URB2: variants seen among roughly 807,000 people sequenced by gnomAD.
URB2 encodes unhealthy ribosome biogenesis protein 2 homolog.
URB2 carries 86 observed loss-of-function variants against 120.9 expected under a neutral mutation model. The ratio of observed to expected loss-of-function variants is 0.71; its 90% CI spans 0.60 to 0.85. The LOEUF is 0.85. URB2 is among the 40% of genes least tolerant of loss of function. URB2 has a pLI of 0.00. For synonymous variants in URB2, 755 were observed against 758.4 expected, an observed-to-expected ratio of 1.00 and a Z score of 0.07; for missense variants, 1,765 against 1,836.5, an observed-to-expected ratio of 0.96 and a Z score of 0.71.
At chr1:229,644,102 C>G (rs369617541) in intron 5 of URB2, among the ~76,000 whole-genome samples, 2 of 152,242 alleles carry the variant, frequency 1.3e-5, no homozygotes, top group Admixed American at 6.5e-5. Flanking sequence ...TAGCCTACCC[C>G]CTTCAGTTCT....
intron 8 of URB2, 68 bp downstream of exon 8, chr1:229,651,390 A>C: frequency 7.5e-7 from 1 of 1,339,926 alleles, no homozygotes; most frequent in Non-Finnish European, 1.0e-6. Context: ...CTGGCCACAT[A>C]TGTTACTGAA....
At chr1:229,631,266 G>A (rs1367223804) in intron 2 of URB2, among the ~76,000 whole-genome samples, 3 of 151,278 alleles carry the variant, frequency 2.0e-5, no homozygotes, top group Non-Finnish European at 4.4e-5. Context: ...TCTGGATTAA[G>A]CTTTGGCTTA....
chr1:229,629,815 G>A (rs1313386359), intron 2 of URB2, among the ~76,000 whole-genome samples: 1 of 152,124 alleles, frequency 6.6e-6, no homozygotes, highest in Non-Finnish European at 1.5e-5. Context: ...TTCTAAATTG[G>A]ACTTCTCAAA....
In URB2 at chr1:229,627,609, T is replaced by G; in HGVS notation, c.-13-12T>G. 1 of 1,600,778 alleles carries G rather than the reference T, an allele frequency of 6.2e-7. No individual in the cohort carries two copies. The highest frequency in any genetic ancestry group is 8.5e-7 in the Non-Finnish European group (1 of 1,175,456). On this transcript the variant is annotated splice_polypyrimidine_tract_variant and intron_variant, in intron 1 of 9. Transcript: ENST00000258243. ...TTATAGTATTTTTTTTCCCATTGTT[T>G]TTAAATTTTAGATAAAGCCTAGCCA...
intron 8 of URB2, among the ~76,000 whole-genome samples, chr1:229,653,947 T>G (rs1373632540): frequency 2.0e-5 from 3 of 150,308 alleles, no homozygotes; most frequent in Non-Finnish European, 3.0e-5. Flanking sequence ...TTTTTTTTTT[T>G]TTTTTTTTTT....
intron 1 of URB2, among the ~76,000 whole-genome samples, chr1:229,627,269 T>C (rs144535519): frequency 6.6e-6 from 1 of 152,244 alleles, no homozygotes; most frequent in South Asian, 2.1e-4. Context: ...TGAAACCATG[T>C]ATGAATGACT....
intron 2 of URB2, 27 bp from the exon 3 acceptor site, chr1:229,632,242 T>A (rs1214736085): frequency 2.7e-6 from 4 of 1,491,838 alleles, no homozygotes; most frequent in Non-Finnish European, 3.5e-6. Context: ...TAAATTTATT[T>A]TCAGTGTATG....
intron 9 of URB2, among the ~76,000 whole-genome samples, chr1:229,657,108 AGT>A (rs1379469004): frequency 2.0e-5 from 3 of 152,222 alleles, no homozygotes; most frequent in Non-Finnish European, 4.4e-5. Context: ...AACCGTCTTA[AGT>A]CAGGAACCAT....
chr1:229,651,257 C>T lies in URB2; in HGVS notation c.4172C>T (p.Ser1391Phe). ...HPKVMLKAIP[S>F]FLNSFNRLVF... ...CAGGTAATGCTGAAAGCCATCCCTT[C>T]TTTCTTGAACTCTTTCAATAGATTG... Residue 1391 changes from serine (S) to phenylalanine (F), a missense_variant, in exon 8 of 10, where the codon TCT (serine) becomes TTT (phenylalanine). Transcript: ENST00000258243. 6.2e-7 allele frequency: 1 copy of T among 1,610,764 alleles called. No individual in the cohort carries two copies. Among genetic ancestry groups the T allele is most frequent in the Non-Finnish European group, 8.5e-7 (1 of 1,178,796 alleles).
intron 1 of URB2, 78 bp from the exon 2 acceptor site, chr1:229,627,543 C>A: frequency 7.1e-7 from 1 of 1,415,832 alleles, no homozygotes; most frequent in South Asian, 1.4e-5. Flanking sequence ...TACAGTACTG[C>A]AATACTGTTG....
intron 9 of URB2, among the ~76,000 whole-genome samples, chr1:229,657,061 T>G (rs553350449): frequency 1.3e-5 from 2 of 152,342 alleles, no homozygotes; most frequent in South Asian, 4.1e-4. Context: ...AATCTGTTGT[T>G]AATTCAAAAA....
At chr1:229,641,882 C>T (rs1325399500) in intron 4 of URB2, among the ~76,000 whole-genome samples, 1 of 152,046 alleles carries the variant, frequency 6.6e-6, no homozygotes, top group Non-Finnish European at 1.5e-5. Flanking sequence ...GGGTAGCATG[C>T]ACCTGTGGTC....
chr1:229,648,267 C>T (rs980588041), intron 7 of URB2, among the ~76,000 whole-genome samples: 26 of 152,192 alleles, frequency 1.7e-4, no homozygotes, highest in African/African-American at 6.0e-4. Flanking sequence ...CAAGATATCT[C>T]ATTGTATATA....
At chr1:229,657,802 C>T (rs138952985) in intron 9 of URB2, among the ~76,000 whole-genome samples, 5 of 152,304 alleles carry the variant, frequency 3.3e-5, no homozygotes, top group East Asian at 1.9e-4. Flanking sequence ...AGAGTAGCAT[C>T]GTCTGAGAGA....
chr1:229,638,177 C>T lies in URB2; in HGVS notation c.3564C>T (p.Ala1188=). Residue 1188 remains alanine, a synonymous_variant, in exon 4 of 10, where the codon GCC becomes GCT. Coordinates refer to ENST00000258243, the MANE Select transcript of URB2 (RefSeq NM_014777.4). The part of the protein sequence containing the change: ...ALQFLTLFFL[A]PELHPKKDSV... Reference sequence around the variant, plus strand: ...AGTTTTTGACTCTGTTCTTTTTGGCCCCAGAACTGCATCCCAAAAAGGACT... The same window carrying T: ...AGTTTTTGACTCTGTTCTTTTTGGCTCCAGAACTGCATCCCAAAAAGGACT... 6.2e-7 allele frequency: 1 copy of T among 1,614,010 alleles called. No homozygotes were observed.
Position 229,643,526 on chromosome 1 carries a change from C to T in URB2, c.3635-7C>T, listed in dbSNP as rs763437195. 1 of 1,614,006 alleles carries T rather than the reference C, an allele frequency of 6.2e-7. No individual in the cohort carries two copies. The highest frequency in any genetic ancestry group is 2.2e-5 in the East Asian group (1 of 44,884). On this transcript the variant is annotated splice_polypyrimidine_tract_variant and splice_region_variant and intron_variant, in intron 4 of 9. Transcript: ENST00000258243. Reference sequence around the variant, plus strand: ...ATCTTAACAATTTTGGTTTCTTTCCCACACAGATCCTGAAATTCCTGTTCA... The same window carrying T: ...ATCTTAACAATTTTGGTTTCTTTCCTACACAGATCCTGAAATTCCTGTTCA...
chr1:229,650,517 G>T (rs943981347), intron 7 of URB2, among the ~76,000 whole-genome samples: 1 of 151,928 alleles, frequency 6.6e-6, no homozygotes, highest in Admixed American at 6.6e-5. Flanking sequence ...TGTAACCTCT[G>T]TCTCCTGGGT....
chr1:229,655,512 G>T (rs544135047), intron 9 of URB2, among the ~76,000 whole-genome samples: 3 of 152,342 alleles, frequency 2.0e-5, no homozygotes, highest in South Asian at 2.1e-4. Flanking sequence ...AGGATTACAG[G>T]TGTGAGCCAC....
At chr1:229,645,046 G>A (rs1331208999) in intron 5 of URB2, among the ~76,000 whole-genome samples, 2 of 152,134 alleles carry the variant, frequency 1.3e-5, no homozygotes, top group East Asian at 3.9e-4. Flanking sequence ...AGCACTTTGG[G>A]AGGCCAAGGT....
Sources: gnomAD v4.1 joint callset for allele counts (sites outside exome capture counted in the v4.1 genomes callset) on GRCh38, gnomAD v4.1.1 for gene constraint, MANE v1.5 for transcripts, NCBI Gene and HGNC (gene_info 2026-07-23, HGNC 2026-07-21) for gene names.